The following RNF175 variants were observed in gnomAD, a reference collection of about 807,000 sequenced individuals.
RNF175 encodes the protein ring finger protein 175.
In RNF175, 38 loss-of-function variants were observed where a neutral mutation model predicts 50.0. The ratio of observed to expected loss-of-function variants is 0.76; its 90% CI spans 0.59 to 1.00. The LOEUF (loss-of-function observed/expected upper bound fraction) is 1.00, where lower values mean the gene tolerates loss of function less well. RNF175 is among the 50% of genes least tolerant of loss of function. RNF175 has a pLI of 0.00. For synonymous variants in RNF175, 155 were observed against 146.1 expected, an observed-to-expected ratio of 1.06 and a Z score of -0.44; for missense variants, 388 against 409.6, an observed-to-expected ratio of 0.95 and a Z score of 0.46.
At chr4:153,724,232 GA>G (rs1738531774) in intron 4 of RNF175, among the ~76,000 whole-genome samples, 1 of 152,138 alleles carries the variant, frequency 6.6e-6, no homozygotes, top group African/African-American at 2.4e-5. Context: ...AAGGCCCTTA[GA>G]AAAAAACTAC....
chr4:153,712,166 A>G (rs754766100), intron 8 of RNF175, among the ~76,000 whole-genome samples: 4 of 152,166 alleles, frequency 2.6e-5, no homozygotes, highest in Non-Finnish European at 5.9e-5. Flanking sequence ...CCATCCATCC[A>G]TCCTGAATAT....
At chr4:153,736,042 C>T (rs997455763) in intron 3 of RNF175, among the ~76,000 whole-genome samples, 2 of 152,202 alleles carry the variant, frequency 1.3e-5, no homozygotes, top group African/African-American at 4.8e-5. Context: ...TTCTTTCCTT[C>T]TTCCTTATCT....
chr4:153,727,749 T>C (rs745638326), intron 4 of RNF175: 8 of 152,302 alleles, frequency 5.3e-5, no homozygotes, highest in Non-Finnish European at 7.3e-5. Flanking sequence ...AAAGTGACCA[T>C]TGGAATATTA....
intron 7 of RNF175, chr4:153,713,236 A>C (rs1737707605): frequency 6.6e-6 from 1 of 152,180 alleles, no homozygotes; most frequent in African/African-American, 2.4e-5. Context: ...ACTTGAGTGA[A>C]CCCTATGTGT....
In RNF175 at chr4:153,736,041, T is replaced by C. The variant is rs575445819; in HGVS notation, c.247-7680A>G. ...GTGGTGAGACAGGACATTCTTTCCT[T>C]CTTCCTTATCTTAGAGGGAAATCAT... On this transcript the variant is annotated intron_variant, in intron 3 of 8. Coordinates refer to ENST00000347063, the MANE Select transcript of RNF175 (RefSeq NM_173662.4). Among the ~76,000 whole-genome samples the C allele has an allele frequency of 2.4e-4, 36 of 152,340 alleles. 1 individual carries two copies. The South Asian group carries it at 5.6e-3, about 24-fold the overall frequency.
chr4:153,737,624 G>A (rs1739420331), intron 3 of RNF175, among the ~76,000 whole-genome samples: 1 of 152,070 alleles, frequency 6.6e-6, no homozygotes, highest in Non-Finnish European at 1.5e-5. Context: ...CATGCTTTCT[G>A]TTATTAATTT....
chr4:153,712,306 A>G (rs1384362255), intron 8 of RNF175, among the ~76,000 whole-genome samples, 169 bp downstream of exon 8: 4 of 152,252 alleles, frequency 2.6e-5, no homozygotes, highest in African/African-American at 9.6e-5. Flanking sequence ...GAATAGTAAT[A>G]TAGGCACAGA....
At chr4:153,724,939 G>C (rs1738590290) in intron 4 of RNF175, among the ~76,000 whole-genome samples, 2 of 148,258 alleles carry the variant, frequency 1.3e-5, no homozygotes, top group African/African-American at 2.5e-5. Context: ...TGAGCTACGT[G>C]GGGGAGTGGG....
chr4:153,711,723 A>G (rs1737595678), intron 8 of RNF175, among the ~76,000 whole-genome samples: 1 of 152,204 alleles, frequency 6.6e-6, no homozygotes, highest in Non-Finnish European at 1.5e-5. Context: ...TGCTTCCTGA[A>G]TGAGATATAC....
At chr4:153,750,738 G>A (rs1012605501) in intron 2 of RNF175, among the ~76,000 whole-genome samples, 1 of 152,174 alleles carries the variant, frequency 6.6e-6, no homozygotes, top group Non-Finnish European at 1.5e-5. Context: ...CTTAGTTGTG[G>A]TTTATACAGC....
chr4:153,743,926 G>A (rs1035378808), intron 3 of RNF175, among the ~76,000 whole-genome samples: 3 of 152,144 alleles, frequency 2.0e-5, no homozygotes, highest in East Asian at 1.9e-4. Flanking sequence ...AGTCATCTAA[G>A]GTCAGACCCT....
intron 5 of RNF175, among the ~76,000 whole-genome samples, chr4:153,722,188 C>A (rs1478938383): frequency 2.0e-5 from 3 of 152,098 alleles, no homozygotes; most frequent in Non-Finnish European, 4.4e-5. Context: ...GTCTTCAGTC[C>A]CCTTTCCAGG....
chr4:153,715,645 C>T lies in RNF175; in HGVS notation c.648G>A (p.Arg216=), dbSNP rs1213272556. 1 of 1,613,862 alleles carries T rather than the reference C, an allele frequency of 6.2e-7. No homozygotes were observed. Among genetic ancestry groups the T allele is most frequent in the African/African-American group, 1.3e-5 (1 of 75,026 alleles). The part of the protein sequence containing the change: ...ASTIGFYSVS[R]LPTRSLSDNI... Reference sequence around the variant, plus strand: ...TGTCCGATAAGCTCCTTGTAGGCAACCGGCTGACACTGTAGAACTATCAGA... The same window carrying T: ...TGTCCGATAAGCTCCTTGTAGGCAATCGGCTGACACTGTAGAACTATCAGA... The change falls in exon 7 of 9, where the codon CGG becomes CGA. Residue 216 remains arginine, a synonymous_variant. Coordinates refer to ENST00000347063, the MANE Select transcript of RNF175 (RefSeq NM_173662.4).
rs1369091412 is a variant in RNF175, at chr4:153,748,800, A to G, written c.105-14T>C. On this transcript the variant is annotated splice_polypyrimidine_tract_variant and intron_variant, in intron 2 of 8. Coordinates refer to ENST00000347063, the MANE Select transcript of RNF175 (RefSeq NM_173662.4). Reference sequence around the variant, plus strand: ...TCCTGCTGCAGGCTGGAACCAGCAAAATGAGGTCATCTGAAAAAGCCCTCA... The same window carrying G: ...TCCTGCTGCAGGCTGGAACCAGCAAGATGAGGTCATCTGAAAAAGCCCTCA... The G allele has an allele frequency of 8.7e-6, 14 of 1,609,006 alleles. No individual in the cohort carries two copies. The highest frequency in any genetic ancestry group is 1.2e-5 in the Non-Finnish European group (14 of 1,177,508).
At chr4:153,749,096 T>TA (rs1579099077) in intron 2 of RNF175, among the ~76,000 whole-genome samples, 1 of 152,262 alleles carries the variant, frequency 6.6e-6, no homozygotes, top group Non-Finnish European at 1.5e-5. Flanking sequence ...GTGATGGGGC[T>TA]AAAAAAAGTA....
At chr4:153,742,832 A>G (rs1188519439) in intron 3 of RNF175, among the ~76,000 whole-genome samples, 1 of 150,274 alleles carries the variant, frequency 6.7e-6, no homozygotes, top group South Asian at 2.1e-4. Context: ...TGAGTATTAT[A>G]GTAATTATAA....
intron 3 of RNF175, among the ~76,000 whole-genome samples, chr4:153,743,616 T>C (rs552313823): frequency 2.0e-5 from 3 of 152,240 alleles, no homozygotes; most frequent in African/African-American, 7.2e-5. Context: ...ATTATCATCA[T>C]GAGAGGCAGG....
Position 153,728,298 on chromosome 4 carries a change from G to A in RNF175, c.310C>T (p.Arg104Trp), listed in dbSNP as rs772501325. The A allele has an allele frequency of 1.5e-5, 24 of 1,612,940 alleles. No homozygotes were observed. Among genetic ancestry groups the A allele is most frequent in the South Asian group, 1.4e-4 (13 of 91,054 alleles). Residue 104 changes from arginine (R) to tryptophan (W), a missense_variant, in exon 4 of 9, where the codon CGG (arginine) becomes TGG (tryptophan). Transcript: ENST00000347063. ...AACATCCCCCACATAGACAGAAACC[G>A]CCACCAGTATAATTTTATCGTGAAA... ...LYFTIKLYWW[R>W]FLSMWGMFSV...
chr4:153,718,230 G>GTTTT (rs1272804247), intron 6 of RNF175, among the ~76,000 whole-genome samples: 7 of 31,844 alleles, frequency 2.2e-4, no homozygotes, highest in African/African-American at 5.8e-4. Context: ...TTGTTTGTTT[G>GTTTT]TTTGTTTGTT....
Sources: allele counts gnomAD v4.1 joint callset (sites outside exome capture counted in the v4.1 genomes callset), GRCh38; gene constraint gnomAD v4.1.1; transcripts MANE v1.5; gene names NCBI Gene and HGNC (gene_info 2026-07-23, HGNC 2026-07-21).